The following SCP2 variants were observed in gnomAD, a reference collection of about 807,000 sequenced individuals.
The protein encoded by SCP2 is SCP-2/3-oxoacyl-CoA thiolase.
A neutral mutation model predicts 71.4 loss-of-function variants in SCP2; 48 were observed. The ratio of observed to expected loss-of-function variants is 0.67; its 90% confidence interval spans 0.53 to 0.86. The LOEUF (loss-of-function observed/expected upper bound fraction) is 0.86. Ranked by LOEUF, SCP2 falls within the 40% of genes least tolerant of loss-of-function variation. SCP2 has a pLI of 0.00. For synonymous variants in SCP2, 220 were observed against 218.1 expected (o/e 1.01, Z -0.08); for missense variants, 560 against 655.6 (o/e 0.85, Z 1.59).
At chr1:53,036,110 A>G (rs114507773) in intron 13 of SCP2, among the ~76,000 whole-genome samples, 2,350 of 151,392 alleles carry the variant, frequency 0.016, 70 homozygotes, top group African/African-American at 0.054. Flanking sequence ...GGTTAAATAA[A>G]TATGGTATAC....
chr1:52,961,401 C>A, intron 5 of SCP2, 102 bp from the exon 6 acceptor site: 1 of 1,218,082 alleles, frequency 8.2e-7, no homozygotes, highest in African/African-American at 1.5e-5. Flanking sequence ...TTCTGGTGTA[C>A]TATGTGCTTA....
intron 12 of SCP2, among the ~76,000 whole-genome samples, chr1:53,016,666 G>A (rs937322909): frequency 6.6e-6 from 1 of 152,140 alleles, no homozygotes; most frequent in African/African-American, 2.4e-5. Flanking sequence ...AATACAAGGA[G>A]GTTTGACAAG....
At chr1:52,995,584 G>A in intron 11 of SCP2, 1 of 496,660 alleles carries the variant, frequency 2.0e-6, no homozygotes, top group South Asian at 1.8e-5. Context: ...AAACTCATCA[G>A]GTAGGATTTC....
Position 53,027,831 on chromosome 1 carries a change from T to C in SCP2, c.1236-138T>C, listed in dbSNP as rs1662244766. 3 of 622,632 alleles carry C rather than the reference T, an allele frequency of 4.8e-6. No homozygotes were observed. The African/African-American group carries it at 5.6e-5, about 12-fold the overall frequency. The allele number at this position is 622,632 out of a possible 1,614,324, so 38.6% of individuals were successfully genotyped here. On this transcript the variant is annotated intron_variant, in intron 12 of 15. Transcript: ENST00000371514. ...AAGCTTAATTATTTTATATGCTTAC[T>C]AAAGATTTCCTTTGGATAAGATTTG...
chr1:53,033,678 T>C (rs1372182465), intron 13 of SCP2, among the ~76,000 whole-genome samples: 1 of 151,940 alleles, frequency 6.6e-6, no homozygotes, highest in East Asian at 1.9e-4. Context: ...AACAATTGTT[T>C]GTGAGGATGT....
Position 52,936,814 on chromosome 1 carries a change from G to A in SCP2, c.70-4982G>A, listed in dbSNP as rs542299632. Among the ~76,000 whole-genome samples, 9 of 152,214 alleles carry A rather than the reference G, an allele frequency of 5.9e-5. 1 individual carries two copies. The highest frequency in any genetic ancestry group is 2.2e-4 in the African/African-American group (9 of 41,516). On this transcript the variant is annotated intron_variant, in intron 1 of 15. Transcript: ENST00000371514. ...AGTAATTACTTTGGGGGTAGAGTGG[G>A]GATTGAGATTGCTACAGAGTACATG...
intron 11 of SCP2, among the ~76,000 whole-genome samples, chr1:52,997,951 A>G (rs1438188455): frequency 6.6e-6 from 1 of 152,192 alleles, no homozygotes; most frequent in African/African-American, 2.4e-5. Context: ...CTCTCGTGAT[A>G]GATTAGTTTT....
chr1:52,935,251 A>G (rs1279669914), intron 1 of SCP2, among the ~76,000 whole-genome samples: 1 of 150,288 alleles, frequency 6.7e-6, no homozygotes, highest in Non-Finnish European at 1.5e-5. Flanking sequence ...GGGCAACAAG[A>G]GCAAAACTCC....
rs146547136 is a variant in SCP2, at chr1:52,996,932, G to C, written c.1081+8796G>C. On this transcript the variant is annotated intron_variant, in intron 11 of 15. Coordinates refer to ENST00000371514, the MANE Select transcript of SCP2 (RefSeq NM_002979.5). The stretch of plus-strand genomic sequence containing the variant: ...GTTGCTTTTTTCCCACTTACACTTG[G>C]TTTTGTTCTATCCTACACTACAGAT... 1.8e-3 allele frequency among the ~76,000 whole-genome samples: 280 copies of C among 152,008 alleles called. 2 individuals are homozygous for C. Among genetic ancestry groups the C allele is most frequent in the Non-Finnish European group, 2.2e-3 (147 of 67,990 alleles).
At chr1:52,994,705 A>C in intron 11 of SCP2, 1 of 695,668 alleles carries the variant, frequency 1.4e-6, no homozygotes, top group South Asian at 1.5e-5. Context: ...GCGAGCAAAA[A>C]AATTAAAATA....
At chr1:52,988,341 A>G (rs955527610) in intron 11 of SCP2, among the ~76,000 whole-genome samples, 1 of 152,200 alleles carries the variant, frequency 6.6e-6, no homozygotes, top group Non-Finnish European at 1.5e-5. Flanking sequence ...ATTTGAATTA[A>G]TTAAAACTAA....
chr1:52,959,063 G>C (rs1287682106), intron 5 of SCP2, among the ~76,000 whole-genome samples: 2 of 152,140 alleles, frequency 1.3e-5, no homozygotes, highest in Non-Finnish European at 2.9e-5. Flanking sequence ...TCATAGAATA[G>C]CTGAGAAGTG....
intron 5 of SCP2, among the ~76,000 whole-genome samples, chr1:52,959,980 C>T (rs570122929): frequency 2.6e-5 from 4 of 151,988 alleles, no homozygotes; most frequent in African/African-American, 7.2e-5. Flanking sequence ...CAACCTCTGC[C>T]TCCCGGGTTC....
intron 10 of SCP2, among the ~76,000 whole-genome samples, chr1:52,982,381 T>C (rs1259409700): frequency 6.6e-6 from 1 of 152,102 alleles, no homozygotes; most frequent in Non-Finnish European, 1.5e-5. Flanking sequence ...CCATCCTGGC[T>C]AACACGGTGA....
chr1:52,973,800 C>T (rs991528438), intron 6 of SCP2, among the ~76,000 whole-genome samples: 4 of 152,172 alleles, frequency 2.6e-5, no homozygotes, highest in African/African-American at 9.7e-5. Flanking sequence ...CAGAGTCTCA[C>T]CATGTTGACT....
intron 12 of SCP2, among the ~76,000 whole-genome samples, chr1:53,016,661 AAGG>A (rs1480773736): frequency 1.3e-5 from 2 of 152,184 alleles, no homozygotes; most frequent in East Asian, 1.9e-4. Context: ...TTGAAAATAC[AAGG>A]AGGTTTGACA....
At chr1:52,927,898 C>G in intron 1 of SCP2, among the ~76,000 whole-genome samples, 1 of 152,156 alleles carries the variant, frequency 6.6e-6, no homozygotes. Flanking sequence ...CGCCTCGGCC[C>G]GAGTGGCAGA....
At chr1:52,957,551 C>T (rs1353812754) in intron 5 of SCP2, among the ~76,000 whole-genome samples, 1 of 152,202 alleles carries the variant, frequency 6.6e-6, no homozygotes, top group Non-Finnish European at 1.5e-5. Flanking sequence ...TGATATTTTA[C>T]ATGTTACTTT....
rs1321252339 is a variant in SCP2, at chr1:52,984,370, C to G, written c.974-3659C>G. ...TCTATAATCCCCCTGCTTTTATTTA[C>G]TTTTCAGAGTCCTCAGGCAGTTTTT... On this transcript the variant is annotated intron_variant, in intron 10 of 15. Transcript: ENST00000371514. Among the ~76,000 whole-genome samples the G allele has an allele frequency of 2.6e-5, 4 of 152,038 alleles. 1 individual carries two copies. Among genetic ancestry groups the G allele is most frequent in the African/African-American group, 4.8e-5 (2 of 41,416 alleles).
Sources: allele counts gnomAD v4.1 joint callset (sites outside exome capture counted in the v4.1 genomes callset), GRCh38; gene constraint gnomAD v4.1.1; transcripts MANE v1.5; gene names NCBI Gene and HGNC (gene_info 2026-07-23, HGNC 2026-07-21).